The following ARHGAP15 variants were observed in gnomAD, a reference collection of about 807,000 sequenced individuals.
ARHGAP15 encodes Rho GTPase activating protein 15.
Under a neutral mutation model 63.7 loss-of-function variants are expected in ARHGAP15, and 51 were observed. That is an observed-to-expected ratio of 0.80 (90% CI 0.64 to 1.01). The LOEUF is 1.01. Ranked by LOEUF, ARHGAP15 falls within the 50% of genes least tolerant of loss-of-function variation. ARHGAP15 has a pLI of 0.00. For missense variants in ARHGAP15, 560 were observed against 564.6 expected (o/e 0.99, Z 0.08); for synonymous variants, 191 against 193.8 (o/e 0.99, Z 0.12).
chr2:143,330,519 T>C (rs2105256745), intron 6 of ARHGAP15, among the ~76,000 whole-genome samples: 1 of 152,278 alleles, frequency 6.6e-6, no homozygotes, highest in African/African-American at 2.4e-5. Context: ...TACAGATGAA[T>C]AAAATCTATA....
intron 8 of ARHGAP15, among the ~76,000 whole-genome samples, chr2:143,471,238 A>G (rs201847918): frequency 2.0e-5 from 3 of 148,138 alleles, no homozygotes; most frequent in Non-Finnish European, 4.5e-5. Context: ...GTATGTGTAT[A>G]TGTGTATATA....
chr2:143,469,597 C>T (rs1393921305), intron 8 of ARHGAP15, among the ~76,000 whole-genome samples: 1 of 152,132 alleles, frequency 6.6e-6, no homozygotes, highest in Non-Finnish European at 1.5e-5. Context: ...AAGAATGTTA[C>T]TAGCCTCATG....
chr2:143,216,035 A>G (rs1692744470), intron 3 of ARHGAP15, among the ~76,000 whole-genome samples: 1 of 152,230 alleles, frequency 6.6e-6, no homozygotes, highest in Non-Finnish European at 1.5e-5. Context: ...GAACTTTTCT[A>G]AGGATACTTG....
chr2:143,629,186 CA>C (rs5834959), intron 12 of ARHGAP15, among the ~76,000 whole-genome samples: 113,575 of 145,630 alleles, frequency 0.78, 45,717 homozygotes, highest in South Asian at 0.95. Flanking sequence ...CTTTTTGGAC[CA>C]AAAAAAAAAA....
At position 143,180,553 on chromosome 2, in the gene ARHGAP15, T is replaced by C. The variant is rs534085888; in HGVS notation, c.166-21581T>C. On this transcript the variant is annotated intron_variant, in intron 2 of 13. Transcript: ENST00000295095. ...TTGACCTTCTCTCATGAATCATGAA[T>C]GTTCTTAGTGACATCTAGAATGGTA... Among the ~76,000 whole-genome samples the C allele has an allele frequency of 6.6e-5, 10 of 152,394 alleles. 1 individual carries two copies. In the South Asian group the frequency reaches 2.1e-3, roughly 32 times the overall value.
intron 9 of ARHGAP15, among the ~76,000 whole-genome samples, chr2:143,502,005 A>G (rs4493190): frequency 0.26 from 40,259 of 152,096 alleles, 6,122 homozygotes; most frequent in East Asian, 0.7. Context: ...TAAAGTTGGC[A>G]CCACAGCCTT....
At chr2:143,567,459 T>G (rs1696275928) in intron 11 of ARHGAP15, among the ~76,000 whole-genome samples, 1 of 152,220 alleles carries the variant, frequency 6.6e-6, no homozygotes, top group African/African-American at 2.4e-5. Context: ...ATTTGAGAGT[T>G]GCTTTCTAGT....
intron 12 of ARHGAP15, among the ~76,000 whole-genome samples, chr2:143,674,720 T>C (rs186670093): frequency 6.6e-6 from 1 of 152,352 alleles, no homozygotes; most frequent in East Asian, 1.9e-4. Context: ...CCATTAAGTA[T>C]GCAATAGCGT....
At chr2:143,379,369 A>G (rs1686956169) in intron 6 of ARHGAP15, among the ~76,000 whole-genome samples, 1 of 151,168 alleles carries the variant, frequency 6.6e-6, no homozygotes, top group Non-Finnish European at 1.5e-5. Context: ...GTGTGTGTGT[A>G]TACATTTGCC....
At chr2:143,694,598 C>T (rs1411644882) in intron 12 of ARHGAP15, among the ~76,000 whole-genome samples, 1 of 152,196 alleles carries the variant, frequency 6.6e-6, no homozygotes, top group Non-Finnish European at 1.5e-5. Flanking sequence ...AAAGTTGCCA[C>T]ATGTTGCCTG....
chr2:143,301,691 A>G (rs1415655486), intron 6 of ARHGAP15, among the ~76,000 whole-genome samples: 1 of 151,948 alleles, frequency 6.6e-6, no homozygotes, highest in African/African-American at 2.4e-5. Flanking sequence ...AAATATGTAT[A>G]CAAAATTTGT....
chr2:143,634,473 C>CTTAT (rs1475413650), intron 12 of ARHGAP15, among the ~76,000 whole-genome samples: 1 of 152,092 alleles, frequency 6.6e-6, no homozygotes, highest in Non-Finnish European at 1.5e-5. Flanking sequence ...ATGAAATGCA[C>CTTAT]TTATTTACAG....
chr2:143,206,219 G>T (rs1692325365), intron 3 of ARHGAP15, among the ~76,000 whole-genome samples: 1 of 152,134 alleles, frequency 6.6e-6, no homozygotes, highest in African/African-American at 2.4e-5. Flanking sequence ...TCCATGGCTG[G>T]ATTGTAAATG....
chr2:143,196,102 G>A (rs1185943216), intron 2 of ARHGAP15, among the ~76,000 whole-genome samples: 1 of 152,000 alleles, frequency 6.6e-6, no homozygotes, highest in East Asian at 1.9e-4. Flanking sequence ...TAAGAACAAA[G>A]AGGAATTTGA....
chr2:143,346,623 A>T (rs1244856151), intron 6 of ARHGAP15, among the ~76,000 whole-genome samples: 1 of 152,184 alleles, frequency 6.6e-6, no homozygotes, highest in Admixed American at 6.6e-5. Flanking sequence ...GATATACAGC[A>T]GATCAAAAAG....
At chr2:143,243,276 T>G (rs553680324) in intron 5 of ARHGAP15, among the ~76,000 whole-genome samples, 1 of 152,198 alleles carries the variant, frequency 6.6e-6, no homozygotes. Context: ...AAAATACTCT[T>G]AGCTATTATT....
chr2:143,413,966 T>TGTGTGTGTGTGTGCGCGCGCGC, intron 6 of ARHGAP15, among the ~76,000 whole-genome samples: 111 of 117,914 alleles, frequency 9.4e-4, no homozygotes, highest in African/African-American at 3.4e-3. Flanking sequence ...TGTGTGTGTG[T>TGTGTGTGTGTGTGCGCGCGCGC]GCGCGCTCTC....
At chr2:143,241,836 A>T (rs958600148) in intron 5 of ARHGAP15, among the ~76,000 whole-genome samples, 3 of 152,180 alleles carry the variant, frequency 2.0e-5, no homozygotes, top group African/African-American at 7.2e-5. Context: ...GAGTGAAGTG[A>T]AAAGGAAGTC....
intron 6 of ARHGAP15, among the ~76,000 whole-genome samples, chr2:143,272,218 T>G (rs952535485): frequency 3.9e-5 from 6 of 152,298 alleles, no homozygotes; most frequent in South Asian, 4.1e-4. Context: ...ATTGTGAGGC[T>G]TTGCTGTGAG....
Sources: allele counts gnomAD v4.1 joint callset (sites outside exome capture counted in the v4.1 genomes callset), GRCh38; gene constraint gnomAD v4.1.1; transcripts MANE v1.5; gene names NCBI Gene and HGNC (gene_info 2026-07-23, HGNC 2026-07-21).